Variants in DCX observed in about 807,000 individuals in gnomAD.
DCX encodes neuronal migration protein doublecortin.
In DCX, 4 loss-of-function variants were observed where a neutral mutation model predicts 20.9. The ratio of observed to expected loss-of-function variants is 0.19; its 90% confidence interval spans 0.09 to 0.44. The LOEUF (loss-of-function observed/expected upper bound fraction) is 0.44, where lower values mean the gene tolerates loss of function less well. DCX is among the 20% of genes least tolerant of loss of function. The pLI, the probability that DCX is intolerant of heterozygous loss-of-function variation, is 0.99. For synonymous variants in DCX, 103 were observed against 111.4 expected, an observed-to-expected ratio of 0.92 and a Z score of 0.47; for missense variants, 133 against 296.9, an observed-to-expected ratio of 0.45 and a Z score of 4.06.
At chrX:111,305,512 C>T (rs973055981) in intron 6 of DCX, among the ~76,000 whole-genome samples, 5 of 110,852 alleles carry the variant, frequency 4.5e-5, no homozygotes, top group South Asian at 3.8e-4. Context: ...GATGTTCATC[C>T]TACATATCTG....
At chrX:111,405,490 G>A (rs1043178866) in intron 2 of DCX, among the ~76,000 whole-genome samples, 4 of 110,825 alleles carry the variant, frequency 3.6e-5, no homozygotes, top group African/African-American at 6.6e-5. Context: ...TACACAGCTC[G>A]GATTTTCTAA....
At chrX:111,391,344 C>G (rs1926936748) in intron 3 of DCX, among the ~76,000 whole-genome samples, 1 of 111,466 alleles carries the variant, frequency 9.0e-6, no homozygotes, top group Non-Finnish European at 1.9e-5. Flanking sequence ...GTCATGCTTC[C>G]TATTAAGCCT....
intron 5 of DCX, among the ~76,000 whole-genome samples, chrX:111,330,602 T>C (rs1342460263): frequency 8.9e-6 from 1 of 111,946 alleles, no homozygotes; most frequent in African/African-American, 3.2e-5. Context: ...GATTATTCCA[T>C]TGAATATGTT....
At position 111,312,590 on chromosome X, in the gene DCX, A is replaced by C. The variant is rs769341266; in HGVS notation, c.1044+49T>G. Reference sequence around the variant, plus strand: ...TGGAAGAGAAAACCTTCACCAAGCCATTCAGGAAACTGAGTGCAAAGAGGT... The same window carrying C: ...TGGAAGAGAAAACCTTCACCAAGCCCTTCAGGAAACTGAGTGCAAAGAGGT... On this transcript the variant is annotated intron_variant, in intron 6 of 6. Coordinates refer to ENST00000636035, the MANE Select transcript of DCX (RefSeq NM_001195553.2). 6 of 1,160,193 alleles carry C rather than the reference A, an allele frequency of 5.2e-6. No individual in the cohort carries two copies. In the Admixed American group the frequency reaches 1.1e-4, roughly 21 times the overall value.
At position 111,294,090 on chromosome X, in the gene DCX, A is replaced by G. The variant is rs898470268; in HGVS notation, c.*7597T>C. On this transcript the variant is annotated 3_prime_UTR_variant, in exon 7 of 7. Transcript: ENST00000636035. ...GAAAAGGGTCTGCTCCAGCTGGTTT[A>G]TGGGGGCCTCACCAAACCTACCAGT... The G allele has an allele frequency of 5.4e-5, 6 of 111,881 alleles. No homozygotes were observed. Among genetic ancestry groups the G allele is most frequent in the African/African-American group, 2.0e-4 (6 of 30,739 alleles). 9.2% of individuals were successfully genotyped at this position (111,881 alleles called of 1,213,427 possible).
intron 3 of DCX, among the ~76,000 whole-genome samples, chrX:111,393,429 C>A (rs186911376): frequency 1.9e-3 from 213 of 111,462 alleles, no homozygotes; most frequent in African/African-American, 6.6e-3. Context: ...GTAAAGATTT[C>A]TTAGATATGA....
intron 5 of DCX, among the ~76,000 whole-genome samples, chrX:111,318,641 T>C (rs1408062733): frequency 9.0e-6 from 1 of 111,149 alleles, no homozygotes; most frequent in African/African-American, 3.3e-5. Context: ...TTATGTACTT[T>C]GCGGTACCAT....
chrX:111,377,813 TTTCTCC>T (rs1347902886), intron 3 of DCX, among the ~76,000 whole-genome samples: 1 of 111,431 alleles, frequency 9.0e-6, no homozygotes, highest in Non-Finnish European at 1.9e-5. Context: ...TTCTCCTCCT[TTTCTCC>T]TTCTCCTTCT....
At chrX:111,320,816 CTCTT>C (rs1346460001) in intron 5 of DCX, among the ~76,000 whole-genome samples, 6 of 108,431 alleles carry the variant, frequency 5.5e-5, no homozygotes, top group African/African-American at 1.0e-4. Flanking sequence ...TTCTTTCTCT[CTCTT>C]TCTTTCTCTC....
At chrX:111,308,830 A>C (rs968591072) in intron 6 of DCX, among the ~76,000 whole-genome samples, 1 of 111,769 alleles carries the variant, frequency 8.9e-6, no homozygotes, top group Non-Finnish European at 1.9e-5. Context: ...AAATTTAAAA[A>C]TTAAATAAAT....
chrX:111,411,373 G>A (rs1156422584), intron 1 of DCX, among the ~76,000 whole-genome samples: 2 of 108,553 alleles, frequency 1.8e-5, no homozygotes, highest in East Asian at 5.8e-4. Context: ...ACCTTTCATT[G>A]TTCTGGGTTT....
chrX:111,401,657 G>C (rs767987206), intron 2 of DCX, among the ~76,000 whole-genome samples: 1 of 112,227 alleles, frequency 8.9e-6, no homozygotes, highest in African/African-American at 3.2e-5. Flanking sequence ...AAACATTTAT[G>C]TTAGTTTCTA....
At chrX:111,397,765 G>A (rs1322682433) in intron 3 of DCX, among the ~76,000 whole-genome samples, 1 of 106,942 alleles carries the variant, frequency 9.4e-6, no homozygotes, top group African/African-American at 3.3e-5. Flanking sequence ...GCATGTGTGT[G>A]TGTGTATATC....
Position 111,351,282 on chromosome X carries a change from C to T in DCX, c.706-18129G>A, listed in dbSNP as rs1283314016. 6.2e-5 allele frequency among the ~76,000 whole-genome samples: 7 copies of T among 112,275 alleles called. No individual in the cohort carries two copies. In the Admixed American group the frequency reaches 6.6e-4, roughly 11 times the overall value. On this transcript the variant is annotated intron_variant, in intron 3 of 6. Coordinates refer to ENST00000636035, the MANE Select transcript of DCX (RefSeq NM_001195553.2). ...ATTCCCTATCCTGTCTCCCTCTTCT[C>T]TCTTCTGGCCTCTGGGTGTTACACC...
intron 6 of DCX, among the ~76,000 whole-genome samples, chrX:111,303,682 T>A (rs1438330068): frequency 3.6e-5 from 4 of 111,540 alleles, no homozygotes; most frequent in Non-Finnish European, 7.5e-5. Flanking sequence ...CAGTGAACAA[T>A]CTGTAAGGTT....
At chrX:111,410,992 T>C in intron 1 of DCX, 1 of 1,167,940 alleles carries the variant, frequency 8.6e-7, no homozygotes, top group Non-Finnish European at 1.2e-6. Flanking sequence ...CAAGCCCTCT[T>C]TCCTACTCTA....
chrX:111,369,010 A>T (rs1411906214), intron 3 of DCX, among the ~76,000 whole-genome samples: 1 of 110,375 alleles, frequency 9.1e-6, no homozygotes, highest in Non-Finnish European at 1.9e-5. Context: ...AAGAGCAAGG[A>T]GAGCCAGTCT....
At chrX:111,391,207 A>C in intron 3 of DCX, among the ~76,000 whole-genome samples, 1 of 109,980 alleles carries the variant, frequency 9.1e-6, no homozygotes, top group Middle Eastern at 4.7e-3. Context: ...GTGAGTTCTC[A>C]TGAGATCTGA....
chrX:111,397,299 A>G (rs1335788429), intron 3 of DCX, among the ~76,000 whole-genome samples: 1 of 111,831 alleles, frequency 8.9e-6, no homozygotes, highest in Non-Finnish European at 1.9e-5. Context: ...TTCCATAACA[A>G]ATAGTCTTGA....
Sources: allele counts gnomAD v4.1 joint callset (sites outside exome capture counted in the v4.1 genomes callset), GRCh38; gene constraint gnomAD v4.1.1; transcripts MANE v1.5; gene names NCBI Gene and HGNC (gene_info 2026-07-23, HGNC 2026-07-21).